The following CEP112 variants were observed in gnomAD, a reference collection of about 807,000 sequenced individuals.
CEP112 encodes the protein centrosomal protein of 112 kDa.
CEP112 carries 127 observed loss-of-function variants against 153.0 expected under a neutral mutation model. That is an observed-to-expected ratio of 0.83 (90% CI 0.72 to 0.96). The LOEUF (loss-of-function observed/expected upper bound fraction) is 0.96. Among genes scored for constraint, CEP112 ranks in the 40% least tolerant of loss-of-function variants. CEP112 has a pLI of 0.00. For synonymous variants in CEP112, 358 were observed against 374.4 expected, an observed-to-expected ratio of 0.96 and a Z score of 0.51; for missense variants, 1,089 against 1,101.2, an observed-to-expected ratio of 0.99 and a Z score of 0.16.
At chr17:65,836,794 T>C (rs976558771) in intron 21 of CEP112, among the ~76,000 whole-genome samples, 8 of 151,868 alleles carry the variant, frequency 5.3e-5, no homozygotes, top group Non-Finnish European at 8.8e-5. Flanking sequence ...AACAAGACAT[T>C]TGCTCTCCCT....
chr17:65,999,194 ATTC>A (rs1422560614), intron 17 of CEP112, among the ~76,000 whole-genome samples: 4 of 141,822 alleles, frequency 2.8e-5, no homozygotes, highest in East Asian at 2.6e-4. Flanking sequence ...AAATTACTAA[ATTC>A]TTTTTTTTTT....
At chr17:65,744,347 G>A (rs1257291282) in intron 22 of CEP112, among the ~76,000 whole-genome samples, 10 of 152,000 alleles carry the variant, frequency 6.6e-5, no homozygotes, top group East Asian at 1.9e-4. Context: ...TCCACCTCCC[G>A]GGTTCAAGTG....
chr17:65,692,795 C>T (rs961252120), intron 23 of CEP112, among the ~76,000 whole-genome samples: 4 of 152,142 alleles, frequency 2.6e-5, no homozygotes, highest in Non-Finnish European at 5.9e-5. Context: ...CTCTCTTCAT[C>T]TCTGCAAGCC....
At chr17:66,030,430 G>T (rs1229722846) in intron 12 of CEP112, among the ~76,000 whole-genome samples, 2 of 152,130 alleles carry the variant, frequency 1.3e-5, no homozygotes, top group Admixed American at 6.5e-5. Flanking sequence ...TTTGAAATGT[G>T]TTATAAGAGT....
In CEP112 at chr17:66,050,554, C is replaced by T. The variant is rs141044985; in HGVS notation, c.1218+3182G>A. 1.2e-4 allele frequency among the ~76,000 whole-genome samples: 19 copies of T among 152,288 alleles called. No homozygotes were observed. The East Asian group carries it at 3.5e-3, about 28-fold the overall frequency. On this transcript the variant is annotated intron_variant, in intron 12 of 26. Transcript: ENST00000535342. ...GGGGGAGAAGATATAAAGATTTGGT[C>T]ATTTTTTATTTTATTATTTTTAAAA...
chr17:65,990,830 T>C (rs949434296), intron 17 of CEP112, among the ~76,000 whole-genome samples: 4 of 152,154 alleles, frequency 2.6e-5, no homozygotes, highest in African/African-American at 4.8e-5. Flanking sequence ...CTGTATCAGC[T>C]CTCCCAAGCC....
intron 21 of CEP112, among the ~76,000 whole-genome samples, chr17:65,823,721 A>G (rs183183375): frequency 6.6e-4 from 100 of 152,300 alleles, no homozygotes; most frequent in African/African-American, 2.4e-3. Flanking sequence ...CAAATCACAT[A>G]TCTTATAAAC....
intron 16 of CEP112, among the ~76,000 whole-genome samples, chr17:66,021,949 T>G (rs2065016023): frequency 6.6e-6 from 1 of 152,212 alleles, no homozygotes; most frequent in Non-Finnish European, 1.5e-5. Context: ...TGCCACCTAC[T>G]GGTCTGGAGG....
intron 17 of CEP112, among the ~76,000 whole-genome samples, chr17:65,988,975 A>G (rs1447544979): frequency 6.6e-6 from 1 of 152,138 alleles, no homozygotes; most frequent in Non-Finnish European, 1.5e-5. Flanking sequence ...CTGTAATCCC[A>G]GCACTTTGGG....
intron 12 of CEP112, among the ~76,000 whole-genome samples, chr17:66,044,257 AAG>A (rs766095871): frequency 8.6e-5 from 13 of 151,970 alleles, no homozygotes; most frequent in Admixed American, 1.3e-4. Flanking sequence ...ATAAACATCA[AAG>A]CAATATATTT....
chr17:66,053,825 G>A lies in CEP112; in HGVS notation c.1129C>T (p.His377Tyr), dbSNP rs1568436614. Residue 377 changes from histidine to tyrosine, a missense_variant, in exon 12 of 27, where the codon CAC (histidine) becomes TAC (tyrosine). By Grantham distance (83) the His-to-Tyr change is moderately conservative (BLOSUM62 2). Transcript: ENST00000535342. ...AGCAATTCTTGAATGTTTTCAGTGT[G>A]TTGCTTTTGAAGATCAAACTTTTCC... ...EQEKFDLQKQ[H>Y]TENIQELLED... The A allele has an allele frequency of 6.2e-7, 1 of 1,612,780 alleles. No homozygotes were observed. Among genetic ancestry groups the A allele is most frequent in the East Asian group, 2.2e-5 (1 of 44,840 alleles).
chr17:65,831,769 T>C (rs1385281913), intron 21 of CEP112, among the ~76,000 whole-genome samples: 1 of 151,768 alleles, frequency 6.6e-6, no homozygotes, highest in Non-Finnish European at 1.5e-5. Flanking sequence ...TGACAAAACA[T>C]AGGAAAGAAT....
At chr17:65,678,496 C>T (rs1383576146) in intron 24 of CEP112, among the ~76,000 whole-genome samples, 2 of 152,058 alleles carry the variant, frequency 1.3e-5, no homozygotes, top group Non-Finnish European at 2.9e-5. Flanking sequence ...AAAATGAAAG[C>T]CAAAACTGTC....
chr17:65,746,453 A>T (rs1169059307), intron 22 of CEP112, among the ~76,000 whole-genome samples: 2 of 152,146 alleles, frequency 1.3e-5, no homozygotes, highest in Non-Finnish European at 2.9e-5. Context: ...TGGTTAAAAG[A>T]CTCACAGGTG....
intron 17 of CEP112, among the ~76,000 whole-genome samples, chr17:65,971,454 C>T (rs2062802275): frequency 1.2e-5 from 1 of 81,720 alleles, no homozygotes; most frequent in Admixed American, 1.7e-4. Context: ...CGCATGCATG[C>T]ATATCACACA....
At chr17:65,826,448 G>A (rs1789360162) in intron 21 of CEP112, 3 of 1,526,282 alleles carry the variant, frequency 2.0e-6, no homozygotes, top group African/African-American at 2.8e-5. Context: ...GGGTTAGAGT[G>A]TCTGAGATTC....
At chr17:65,956,796 T>C (rs1454910960) in intron 18 of CEP112, among the ~76,000 whole-genome samples, 3 of 152,110 alleles carry the variant, frequency 2.0e-5, no homozygotes, top group Non-Finnish European at 4.4e-5. Context: ...ATAAAAAATT[T>C]AAAAATATAT....
At chr17:66,001,083 C>T (rs992736133) in intron 17 of CEP112, among the ~76,000 whole-genome samples, 12 of 152,122 alleles carry the variant, frequency 7.9e-5, no homozygotes, top group African/African-American at 2.7e-4. Flanking sequence ...CTGGTAGCAA[C>T]GTTGAATGAA....
chr17:65,865,076 C>G (rs549671051), intron 20 of CEP112, among the ~76,000 whole-genome samples: 4 of 152,098 alleles, frequency 2.6e-5, no homozygotes, highest in African/African-American at 9.6e-5. Flanking sequence ...GGGTCTCACT[C>G]TGTTGCCCAG....
Sources: allele counts gnomAD v4.1 joint callset (sites outside exome capture counted in the v4.1 genomes callset), GRCh38; gene constraint gnomAD v4.1.1; transcripts MANE v1.5; gene names NCBI Gene and HGNC (gene_info 2026-07-23, HGNC 2026-07-21).